The following ACOXL variants were observed in gnomAD, a reference collection of about 807,000 sequenced individuals.
ACOXL encodes the protein acyl-coenzyme A oxidase-like protein.
Under a neutral mutation model 71.9 loss-of-function variants are expected in ACOXL, and 70 were observed. The ratio of observed to expected loss-of-function variants is 0.97; its 90% CI spans 0.80 to 1.19. The LOEUF (loss-of-function observed/expected upper bound fraction) is 1.19, where lower values mean the gene tolerates loss of function less well. Ranked by LOEUF, ACOXL falls within the 50% of genes most tolerant of loss-of-function variation. The pLI is 0.00. For missense variants in ACOXL, 703 were observed against 736.3 expected (o/e 0.95, Z 0.52); for synonymous variants, 253 against 281.6 (o/e 0.90, Z 1.02).
chr2:110,941,245 A>G (rs1402931941), intron 12 of ACOXL, among the ~76,000 whole-genome samples: 1 of 152,208 alleles, frequency 6.6e-6, no homozygotes, highest in Non-Finnish European at 1.5e-5. Context: ...GGCACTGTAC[A>G]CTGTGCATGG....
chr2:110,900,074 CACACACACACAT>C lies in ACOXL; in HGVS notation c.789-8703_789-8692del, dbSNP rs1386798015. ...CAGGTGCTGTTAGAAAGCTTTTCAA[CACACACACACAT>C]ACACACACACACACACACACACACA... On this transcript the variant is annotated intron_variant, in intron 10 of 17. Transcript: ENST00000439055. Among the ~76,000 whole-genome samples the C allele has an allele frequency of 1.4e-3, 182 of 128,286 alleles. 1 individual carries two copies. Among genetic ancestry groups the C allele is most frequent in the South Asian group, 0.014 (53 of 3,752 alleles). The allele number at this position is 128,286 out of a possible 152,430, so 84.2% of individuals were successfully genotyped here.
chr2:111,049,423 T>C, intron 16 of ACOXL, 135 bp downstream of exon 16: 3 of 698,542 alleles, frequency 4.3e-6, no homozygotes, highest in African/African-American at 1.8e-5. Context: ...AAGCTTGTCA[T>C]AGGCGAATTG....
intron 14 of ACOXL, among the ~76,000 whole-genome samples, chr2:111,000,778 C>A (rs1173357548): frequency 6.6e-6 from 1 of 152,200 alleles, no homozygotes; most frequent in Non-Finnish European, 1.5e-5. Flanking sequence ...TATCAGGGCA[C>A]TAGTCATATT....
chr2:110,733,426 C>T (rs1676441260), intron 1 of ACOXL, among the ~76,000 whole-genome samples: 1 of 152,102 alleles, frequency 6.6e-6, no homozygotes, highest in Non-Finnish European at 1.5e-5. Flanking sequence ...GTTCAGTCAC[C>T]GGACAGTCAG....
At chr2:111,021,084 C>G (rs551175851) in intron 14 of ACOXL, among the ~76,000 whole-genome samples, 1 of 152,316 alleles carries the variant, frequency 6.6e-6, no homozygotes, top group African/African-American at 2.4e-5. Context: ...ACCTGCTCCA[C>G]CTTGCAGAAC....
intron 10 of ACOXL, among the ~76,000 whole-genome samples, chr2:110,875,912 A>C (rs901948990): frequency 6.6e-6 from 1 of 152,142 alleles, no homozygotes; most frequent in Non-Finnish European, 1.5e-5. Flanking sequence ...AAGGACATGC[A>C]GGAAAGAAAC....
intron 10 of ACOXL, among the ~76,000 whole-genome samples, chr2:110,854,255 A>G (rs1299109917): frequency 2.0e-5 from 3 of 152,184 alleles, no homozygotes; most frequent in African/African-American, 7.2e-5. Context: ...CACAGTGGGT[A>G]GAGGATATGA....
chr2:110,955,994 A>G (rs35174038), intron 12 of ACOXL, among the ~76,000 whole-genome samples: 13,414 of 136,952 alleles, frequency 0.098, 826 homozygotes, highest in East Asian at 0.25. Flanking sequence ...GCTAGAGTGC[A>G]GTGGTGCAAT....
At chr2:110,841,293 T>C in intron 9 of ACOXL, 78 bp from the exon 10 acceptor site, 1 of 1,075,892 alleles carries the variant, frequency 9.3e-7, no homozygotes, top group East Asian at 2.4e-5. Context: ...TAATTGGCCG[T>C]ATCAAGTTAA....
intron 12 of ACOXL, among the ~76,000 whole-genome samples, chr2:110,958,738 C>G (rs1340835617): frequency 1.3e-5 from 2 of 152,148 alleles, no homozygotes; most frequent in Non-Finnish European, 2.9e-5. Flanking sequence ...TGGCAATTTC[C>G]CCAGAATACT....
chr2:110,760,644 G>C (rs1302519620), intron 1 of ACOXL, among the ~76,000 whole-genome samples: 1 of 152,190 alleles, frequency 6.6e-6, no homozygotes, highest in African/African-American at 2.4e-5. Flanking sequence ...CCTAGAGGTA[G>C]GTTGGTTTAA....
chr2:111,092,914 A>G lies in ACOXL; in HGVS notation c.1490A>G (p.Tyr497Cys), dbSNP rs775900331. 4.3e-6 allele frequency: 7 copies of G among 1,613,940 alleles called. No homozygotes were observed. The highest frequency in any genetic ancestry group is 5.9e-6 in the Non-Finnish European group (7 of 1,179,988). Residue 497 changes from tyrosine (Y) to cysteine (C), a missense_variant, in exon 17 of 18, where the codon TAT (tyrosine) becomes TGT (cysteine). Coordinates refer to ENST00000439055, the MANE Select transcript of ACOXL (RefSeq NM_001142807.4). ...CTGGTGTTTCAGGAGCGGGCCTGGT[A>G]TTTAGAACATAAATACTTGACTCCC... ...TKLVFQERAW[Y>C]LEHKYLTPMA...
chr2:110,827,919 T>A (rs1215992079), intron 9 of ACOXL, among the ~76,000 whole-genome samples: 2 of 152,244 alleles, frequency 1.3e-5, no homozygotes, highest in East Asian at 3.8e-4. Flanking sequence ...CTGCGATTTT[T>A]AATGGCAACA....
intron 10 of ACOXL, among the ~76,000 whole-genome samples, chr2:110,843,866 C>G (rs954751855): frequency 6.6e-6 from 1 of 152,164 alleles, no homozygotes; most frequent in Non-Finnish European, 1.5e-5. Flanking sequence ...AAACAAAAAT[C>G]TCAGTAAGTG....
At chr2:110,991,950 AG>A (rs1211960608) in intron 13 of ACOXL, among the ~76,000 whole-genome samples, 3 of 152,232 alleles carry the variant, frequency 2.0e-5, no homozygotes, top group African/African-American at 4.8e-5. Flanking sequence ...TTGAAAGAAT[AG>A]TACGACTCCC....
chr2:110,934,562 G>A (rs75834345), intron 12 of ACOXL, among the ~76,000 whole-genome samples: 3 of 152,186 alleles, frequency 2.0e-5, no homozygotes, highest in African/African-American at 7.2e-5. Context: ...CAAGTCAAGG[G>A]CAGCTGTAGA....
chr2:110,891,097 A>G (rs1035072716), intron 10 of ACOXL, among the ~76,000 whole-genome samples: 3 of 152,152 alleles, frequency 2.0e-5, no homozygotes, highest in Admixed American at 2.0e-4. Flanking sequence ...TAGAAATACA[A>G]TTAATTTTTG....
intron 14 of ACOXL, among the ~76,000 whole-genome samples, chr2:111,004,213 G>A (rs527664682): frequency 6.6e-6 from 1 of 152,218 alleles, no homozygotes; most frequent in Admixed American, 6.5e-5. Context: ...AATTAAAAAG[G>A]CAAAAACACA....
At chr2:110,757,845 T>A (rs1679903140) in intron 1 of ACOXL, among the ~76,000 whole-genome samples, 1 of 152,152 alleles carries the variant, frequency 6.6e-6, no homozygotes, top group Non-Finnish European at 1.5e-5. Flanking sequence ...TTCTGTAGGT[T>A]GTTCACTCTG....
Sources: allele counts gnomAD v4.1 joint callset (sites outside exome capture counted in the v4.1 genomes callset), GRCh38; gene constraint gnomAD v4.1.1; transcripts MANE v1.5; gene names NCBI Gene and HGNC (gene_info 2026-07-23, HGNC 2026-07-21).